BCO1: variants seen among roughly 807,000 people sequenced by gnomAD.
The protein encoded by BCO1 is beta-carotene oxygenase 1, also known as beta,beta-carotene 15,15'-dioxygenase.
BCO1 carries 54 observed loss-of-function variants against 56.3 expected under a neutral mutation model. The observed-to-expected ratio is 0.96, with a 90% CI of 0.77 to 1.20. BCO1 has a LOEUF of 1.20. BCO1 is among the 50% of genes most tolerant of loss of function. The pLI is 0.00. For missense variants in BCO1, 801 were observed against 690.9 expected (o/e 1.16, Z -1.79); for synonymous variants, 318 against 266.1 (o/e 1.20, Z -1.90).
chr16:81,290,159 G>T (rs541647287), intron 10 of BCO1, among the ~76,000 whole-genome samples, 189 bp from the exon 11 acceptor site: 23 of 152,216 alleles, frequency 1.5e-4, no homozygotes, highest in South Asian at 2.1e-4. Flanking sequence ...CACCGCGCCC[G>T]GCCTAGAACC....
intron 5 of BCO1, among the ~76,000 whole-genome samples, chr16:81,265,292 C>T (rs934095652): frequency 7.9e-5 from 12 of 151,206 alleles, no homozygotes; most frequent in African/African-American, 2.7e-4. Flanking sequence ...CATTCACCCA[C>T]CTACCCATCC....
chr16:81,278,311 G>C (rs1907675796), intron 7 of BCO1, among the ~76,000 whole-genome samples: 1 of 152,110 alleles, frequency 6.6e-6, no homozygotes, highest in African/African-American at 2.4e-5. Context: ...CAAAGTGCTG[G>C]GATTACAGGC....
At chr16:81,262,836 CAAAAA>C (rs1157316912) in intron 4 of BCO1, 20 of 112,800 alleles carry the variant, frequency 1.8e-4, no homozygotes, top group South Asian at 5.3e-4. Flanking sequence ...CAAACAAAAA[CAAAAA>C]AAAAAAAAAA....
chr16:81,259,979 T>A (rs1459718930), intron 3 of BCO1, among the ~76,000 whole-genome samples, 174 bp downstream of exon 3: 1 of 152,182 alleles, frequency 6.6e-6, no homozygotes, highest in Non-Finnish European at 1.5e-5. Context: ...CCAGAGAGAC[T>A]AAGAGCATTT....
At chr16:81,287,701 A>G (rs1908263916) in intron 10 of BCO1, among the ~76,000 whole-genome samples, 1 of 152,180 alleles carries the variant, frequency 6.6e-6, no homozygotes, top group Non-Finnish European at 1.5e-5. Context: ...GTTTGTGGCA[A>G]TGAAAAGATA....
At chr16:81,243,360 C>A (rs1050027991) in intron 1 of BCO1, among the ~76,000 whole-genome samples, 2 of 152,116 alleles carry the variant, frequency 1.3e-5, no homozygotes, top group Admixed American at 6.6e-5. Context: ...TGTCCCCTGG[C>A]CCCCGTTATT....
At chr16:81,258,303 G>T (rs1281505141) in intron 2 of BCO1, among the ~76,000 whole-genome samples, 1 of 152,178 alleles carries the variant, frequency 6.6e-6, no homozygotes, top group Non-Finnish European at 1.5e-5. Flanking sequence ...ATATTTTGAG[G>T]TTGGTCTCAA....
At chr16:81,268,575 A>T (rs1169568132) in intron 6 of BCO1, among the ~76,000 whole-genome samples, 1 of 152,228 alleles carries the variant, frequency 6.6e-6, no homozygotes, top group Non-Finnish European at 1.5e-5. Flanking sequence ...TCCACCAGAC[A>T]GTTCAATAGA....
intron 1 of BCO1, among the ~76,000 whole-genome samples, chr16:81,243,229 A>G (rs1567696742): frequency 6.6e-6 from 1 of 152,302 alleles, no homozygotes; most frequent in South Asian, 2.1e-4. Context: ...GATGAGTTTT[A>G]TCTCAAATTT....
chr16:81,290,533 C>T lies in BCO1; in HGVS notation c.1600C>T (p.Gln534Ter). 3 of 1,614,096 alleles carry T rather than the reference C, an allele frequency of 1.9e-6. No homozygotes were observed. Among genetic ancestry groups the T allele is most frequent in the Non-Finnish European group, 8.5e-7 (1 of 1,180,036 alleles). ...DTKKQAASEEQRDRASDCHGA... is the reference protein window; with the variant it reads ...DTKKQAASEE ...AAAAAAGCAGGCCGCTTCTGAGGAA[C>T]AGCGGGACAGGGCTTCCGACTGCCA... Residue 534 changes from glutamine (Q) to a stop codon, truncating the protein, a stop_gained, in exon 11 of 11, where the codon CAG becomes TAG. Transcript: ENST00000258168. LOFTEE classifies it low-confidence loss of function (END_TRUNC).
At chr16:81,272,085 T>C (rs1485064968) in intron 7 of BCO1, among the ~76,000 whole-genome samples, 3 of 150,098 alleles carry the variant, frequency 2.0e-5, no homozygotes, top group Non-Finnish European at 3.0e-5. Context: ...AGGTACATAC[T>C]ATCTTACAGA....
chr16:81,240,725 A>C (rs552091070), intron 1 of BCO1, among the ~76,000 whole-genome samples: 54 of 151,966 alleles, frequency 3.6e-4, no homozygotes, highest in African/African-American at 1.0e-3. Context: ...ATAAAAAAAA[A>C]CCAGGCACCC....
chr16:81,270,678 C>G (rs1302214926), intron 7 of BCO1, among the ~76,000 whole-genome samples: 1 of 107,320 alleles, frequency 9.3e-6, no homozygotes, highest in Non-Finnish European at 2.0e-5. Context: ...GTCTCCCAGT[C>G]TCTCTCTCTG....
chr16:81,263,007 G>T (rs756316614), intron 4 of BCO1: 5 of 152,396 alleles, frequency 3.3e-5, no homozygotes, highest in Non-Finnish European at 7.3e-5. Flanking sequence ...GCGGTTGCCG[G>T]CAACCCCTGG....
chr16:81,243,556 C>G (rs953776380), intron 1 of BCO1, among the ~76,000 whole-genome samples: 1 of 152,136 alleles, frequency 6.6e-6, no homozygotes, highest in Non-Finnish European at 1.5e-5. Flanking sequence ...GCAACCTCCC[C>G]CTTCCGGGTT....
intron 7 of BCO1, among the ~76,000 whole-genome samples, chr16:81,273,937 T>G (rs1350382065): frequency 6.6e-6 from 1 of 152,152 alleles, no homozygotes; most frequent in Non-Finnish European, 1.5e-5. Context: ...AAGGCATTGA[T>G]TTTCTCCCCT....
chr16:81,269,216 A>AC (rs973558787), intron 6 of BCO1, among the ~76,000 whole-genome samples: 6 of 139,590 alleles, frequency 4.3e-5, no homozygotes, highest in African/African-American at 1.6e-4. Context: ...CCTCCCATCC[A>AC]CCCCCACGTC....
At chr16:81,259,122 G>A (rs1305776835) in intron 2 of BCO1, among the ~76,000 whole-genome samples, 1 of 152,136 alleles carries the variant, frequency 6.6e-6, no homozygotes, top group African/African-American at 2.4e-5. Context: ...GATTTGCAAG[G>A]AACAAAACAT....
intron 7 of BCO1, among the ~76,000 whole-genome samples, chr16:81,271,998 A>G (rs1303184142): frequency 6.6e-6 from 1 of 151,512 alleles, no homozygotes; most frequent in African/African-American, 2.4e-5. Context: ...CTGCCCCCCT[A>G]CGTCTCCCAA....
Sources: allele counts gnomAD v4.1 joint callset (sites outside exome capture counted in the v4.1 genomes callset), GRCh38; gene constraint gnomAD v4.1.1; transcripts MANE v1.5; gene names NCBI Gene and HGNC (gene_info 2026-07-23, HGNC 2026-07-21).